Variants in AGBL4 observed in about 807,000 individuals in gnomAD.
The protein encoded by AGBL4 is AGBL carboxypeptidase 4, also known as cytosolic carboxypeptidase 6.
In AGBL4, 58 loss-of-function variants were observed where a neutral mutation model predicts 66.4. The ratio of observed to expected loss-of-function variants is 0.87; its 90% CI spans 0.71 to 1.09. The LOEUF is 1.09. Among genes scored for constraint, AGBL4 ranks in the 50% least tolerant of loss-of-function variants. AGBL4 has a pLI of 0.00. For synonymous variants in AGBL4, 234 were observed against 222.9 expected (o/e 1.05, Z -0.44); for missense variants, 579 against 631.0 (o/e 0.92, Z 0.88).
chr1:48,984,857 G>C (rs539150674), intron 5 of AGBL4, among the ~76,000 whole-genome samples: 47 of 151,776 alleles, frequency 3.1e-4, no homozygotes, highest in Non-Finnish European at 4.3e-4. Flanking sequence ...AAGGCCTTCT[G>C]GGCTGAGGAA....
At chr1:49,665,703 T>C (rs908747136) in intron 3 of AGBL4, among the ~76,000 whole-genome samples, 5 of 152,134 alleles carry the variant, frequency 3.3e-5, no homozygotes, top group Non-Finnish European at 5.9e-5. Context: ...ATTTTTGTTA[T>C]AGGATTTCTA....
chr1:49,708,207 G>C (rs1439797429), intron 2 of AGBL4, among the ~76,000 whole-genome samples: 1 of 151,912 alleles, frequency 6.6e-6, no homozygotes, highest in African/African-American at 2.4e-5. Context: ...TGTAAGTTTG[G>C]TTGTTTCACA....
chr1:48,893,181 AC>A (rs1651142007), intron 5 of AGBL4, among the ~76,000 whole-genome samples: 1 of 152,100 alleles, frequency 6.6e-6, no homozygotes, highest in Admixed American at 6.5e-5. Context: ...GGTGGTTTGG[AC>A]CATGACAGAG....
chr1:49,502,278 C>T (rs1340668045), intron 3 of AGBL4, among the ~76,000 whole-genome samples: 4 of 152,088 alleles, frequency 2.6e-5, no homozygotes, highest in African/African-American at 9.7e-5. Flanking sequence ...TTCTCCTCAG[C>T]TTGCAGAGAG....
At chr1:48,620,206 G>C (rs1452926230) in intron 9 of AGBL4, among the ~76,000 whole-genome samples, 1 of 152,144 alleles carries the variant, frequency 6.6e-6, no homozygotes, top group Non-Finnish European at 1.5e-5. Context: ...ATGGGGATGG[G>C]GAGTGGCCAG....
intron 3 of AGBL4, among the ~76,000 whole-genome samples, chr1:49,563,609 A>C (rs1045812027): frequency 2.6e-5 from 4 of 152,036 alleles, no homozygotes; most frequent in African/African-American, 9.7e-5. Flanking sequence ...GCTGGATTAC[A>C]TTTATTGATT....
chr1:48,604,287 AG>A lies in AGBL4; in HGVS notation c.952-13303del, dbSNP rs545502794. ...GACTGATTCCCAGGTTTCTGGATTG[AG>A]GGGGGGCATCCACTGAGATTGGAGA... On this transcript the variant is annotated intron_variant, in intron 9 of 13. Coordinates refer to ENST00000371839, the MANE Select transcript of AGBL4 (RefSeq NM_032785.4). 1.1e-3 allele frequency among the ~76,000 whole-genome samples: 162 copies of A among 152,208 alleles called. 1 individual carries two copies. Among genetic ancestry groups the A allele is most frequent in the Admixed American group, 3.3e-3 (50 of 15,276 alleles).
intron 3 of AGBL4, among the ~76,000 whole-genome samples, chr1:49,663,383 T>C (rs1351619595): frequency 6.6e-6 from 1 of 152,270 alleles, no homozygotes; most frequent in East Asian, 1.9e-4. Flanking sequence ...ACTAGAACTT[T>C]TAAAAAGTGG....
chr1:49,314,696 T>C (rs546354917), intron 3 of AGBL4, among the ~76,000 whole-genome samples: 1 of 152,226 alleles, frequency 6.6e-6, no homozygotes, highest in East Asian at 1.9e-4. Flanking sequence ...AACATACGTG[T>C]GCATGTGTCT....
chr1:49,372,623 C>CTT (rs1272544335), intron 3 of AGBL4, among the ~76,000 whole-genome samples: 1 of 86,320 alleles, frequency 1.2e-5, no homozygotes, highest in African/African-American at 5.2e-5. Context: ...TTCTTTCTTT[C>CTT]TTTCTTTCTT....
intron 4 of AGBL4, among the ~76,000 whole-genome samples, chr1:49,171,538 T>A (rs1327006502): frequency 6.6e-6 from 1 of 151,868 alleles, no homozygotes; most frequent in Non-Finnish European, 1.5e-5. Context: ...TGGAAACGAG[T>A]GATGTAGGAG....
chr1:48,877,077 G>A (rs922677643), intron 5 of AGBL4, among the ~76,000 whole-genome samples: 1 of 152,084 alleles, frequency 6.6e-6, no homozygotes, highest in Admixed American at 6.6e-5. Flanking sequence ...AGAAGGAAAG[G>A]GATCTGCTCA....
chr1:48,600,280 TGGGAAGTTCCCA>T (rs1227357298), intron 9 of AGBL4, among the ~76,000 whole-genome samples: 1 of 152,126 alleles, frequency 6.6e-6, no homozygotes, highest in African/African-American at 2.4e-5. Flanking sequence ...TATAGGGGTG[TGGGAAGTTCCCA>T]GGGCCTAGAT....
intron 1 of AGBL4, among the ~76,000 whole-genome samples, chr1:49,939,439 C>G (rs1429855525): frequency 6.6e-6 from 1 of 152,068 alleles, no homozygotes; most frequent in Non-Finnish European, 1.5e-5. Context: ...ATCACGCTAC[C>G]TGACTTCAAA....
chr1:49,558,402 G>A (rs1447087175), intron 3 of AGBL4, among the ~76,000 whole-genome samples: 1 of 152,134 alleles, frequency 6.6e-6, no homozygotes, highest in Non-Finnish European at 1.5e-5. Context: ...GAGTGCAGTG[G>A]TGCGATCTCA....
At chr1:49,383,724 T>C (rs947210869) in intron 3 of AGBL4, among the ~76,000 whole-genome samples, 12 of 152,088 alleles carry the variant, frequency 7.9e-5, no homozygotes, top group African/African-American at 2.9e-4. Context: ...TTTAATAATA[T>C]TGTATTCAGC....
chr1:48,853,384 A>G (rs1256992453), intron 6 of AGBL4, among the ~76,000 whole-genome samples: 4 of 152,212 alleles, frequency 2.6e-5, no homozygotes, highest in Non-Finnish European at 5.9e-5. Flanking sequence ...GTGAGATAAT[A>G]AACATCTATT....
At chr1:48,705,719 T>C (rs1025206222) in intron 6 of AGBL4, among the ~76,000 whole-genome samples, 1 of 152,196 alleles carries the variant, frequency 6.6e-6, no homozygotes, top group Non-Finnish European at 1.5e-5. Context: ...ACTTCCAAAA[T>C]GTTTTAGGCA....
intron 6 of AGBL4, among the ~76,000 whole-genome samples, chr1:48,691,374 G>C (rs866180239): frequency 6.6e-6 from 1 of 151,870 alleles, no homozygotes; most frequent in South Asian, 2.1e-4. Flanking sequence ...GTGCACACAC[G>C]GCTAGTGGCT....
Sources: allele counts gnomAD v4.1 joint callset (sites outside exome capture counted in the v4.1 genomes callset), GRCh38; gene constraint gnomAD v4.1.1; transcripts MANE v1.5; gene names NCBI Gene and HGNC (gene_info 2026-07-23, HGNC 2026-07-21).